The following PTGR2 variants were observed in gnomAD, a reference collection of about 807,000 sequenced individuals.
The protein encoded by PTGR2 is 15-oxoprostaglandin 13-reductase.
PTGR2 carries 32 observed loss-of-function variants against 43.4 expected under a neutral mutation model. That is an observed-to-expected ratio of 0.74 (90% CI 0.56 to 0.99). The LOEUF (loss-of-function observed/expected upper bound fraction) is 0.99. Ranked by LOEUF, PTGR2 falls within the 50% of genes least tolerant of loss-of-function variation. PTGR2 has a pLI of 0.00. For missense variants in PTGR2, 373 were observed against 420.0 expected, an observed-to-expected ratio of 0.89 and a Z score of 0.98; for synonymous variants, 106 against 139.2, an observed-to-expected ratio of 0.76 and a Z score of 1.68.
chr14:73,880,817 G>A (rs371677758), intron 7 of PTGR2, among the ~76,000 whole-genome samples: 20 of 152,196 alleles, frequency 1.3e-4, no homozygotes, highest in African/African-American at 4.8e-4. Flanking sequence ...TATTATTTGA[G>A]ATGGAGTCTC....
chr14:73,853,041 G>C (rs1262457236), intron 1 of PTGR2, among the ~76,000 whole-genome samples: 1 of 151,988 alleles, frequency 6.6e-6, no homozygotes, highest in African/African-American at 2.4e-5. Context: ...GACTGGTCTC[G>C]AATTCCTGGC....
intron 2 of PTGR2, 81 bp from the exon 3 acceptor site, chr14:73,860,458 C>A: frequency 1.5e-6 from 1 of 676,052 alleles, no homozygotes; most frequent in Non-Finnish European, 2.5e-6. Flanking sequence ...TAGAGCAAGA[C>A]TCTGTCTCAA....
At chr14:73,869,602 A>G (rs1193909993) in intron 3 of PTGR2, among the ~76,000 whole-genome samples, 1 of 152,058 alleles carries the variant, frequency 6.6e-6, no homozygotes, top group African/African-American at 2.4e-5. Context: ...TTATGAAAAC[A>G]AAGTTCGTAT....
intron 6 of PTGR2, chr14:73,879,850 A>T: frequency 3.9e-6 from 2 of 512,564 alleles, no homozygotes; most frequent in East Asian, 3.4e-5. Context: ...GCTGATTACC[A>T]ACCATTTATT....
intron 3 of PTGR2, among the ~76,000 whole-genome samples, chr14:73,867,231 C>T (rs1048668445): frequency 8.6e-5 from 13 of 151,970 alleles, no homozygotes; most frequent in African/African-American, 3.1e-4. Flanking sequence ...GGACTAGAAT[C>T]TCTACTGTCA....
rs1039681880 is a variant in PTGR2, at chr14:73,878,918, G to A, written c.520-178G>A. The A allele has an allele frequency of 7.0e-6, 4 of 569,758 alleles. No homozygotes were observed. The South Asian group carries it at 9.4e-5, about 13-fold the overall frequency. 35.3% of individuals were successfully genotyped at this position (569,758 alleles called of 1,614,324 possible). A position where few individuals can be genotyped will look rare whatever the true frequency, so the allele number is the denominator to read the frequency against. On this transcript the variant is annotated intron_variant, in intron 5 of 9. Coordinates refer to ENST00000555661, the MANE Select transcript of PTGR2 (RefSeq NM_001146154.2). ...TTCAATTTTAATAATTTTTTTTTAG[G>A]ATGACATTGTCTGCCCTCAGTTCTT... is the stretch of plus-strand genomic sequence containing the variant.
intron 3 of PTGR2, among the ~76,000 whole-genome samples, chr14:73,871,689 A>G (rs1443936752): frequency 2.6e-5 from 4 of 152,080 alleles, no homozygotes; most frequent in Non-Finnish European, 4.4e-5. Flanking sequence ...GTTGAACTGA[A>G]TGGAATTAGG....
At chr14:73,861,883 CTTT>C (rs112705654) in intron 3 of PTGR2, among the ~76,000 whole-genome samples, 1 of 141,022 alleles carries the variant, frequency 7.1e-6, no homozygotes, top group Non-Finnish European at 1.6e-5. Flanking sequence ...AACTTAGTGG[CTTT>C]TTTTTTTTTG....
At position 73,854,834 on chromosome 14, in the gene PTGR2, G is replaced by A. The variant is rs372319707; in HGVS notation, c.-48+2891G>A. Reference sequence around the variant, plus strand: ...CATGACATTATGGACCTCTTGGTGTGATGAATGGATGTGGCACCACCCTTA... The same window carrying A: ...CATGACATTATGGACCTCTTGGTGTAATGAATGGATGTGGCACCACCCTTA... On this transcript the variant is annotated intron_variant, in intron 1 of 9. Transcript: ENST00000555661. 4.6e-5 allele frequency among the ~76,000 whole-genome samples: 7 copies of A among 152,280 alleles called. No homozygotes were observed. The East Asian group carries it at 1.3e-3, about 29-fold the overall frequency.
At chr14:73,882,903 C>G (rs1055010544) in intron 9 of PTGR2, among the ~76,000 whole-genome samples, 24 of 141,072 alleles carry the variant, frequency 1.7e-4, no homozygotes, top group Admixed American at 1.6e-3. Flanking sequence ...TCACTGCAAC[C>G]TCCACCTCCC....
At chr14:73,857,855 G>C (rs1396218958) in intron 1 of PTGR2, among the ~76,000 whole-genome samples, 2 of 151,342 alleles carry the variant, frequency 1.3e-5, no homozygotes, top group Non-Finnish European at 2.9e-5. Flanking sequence ...ATTTTTAGTA[G>C]AGACGGGGTT....
intron 9 of PTGR2, among the ~76,000 whole-genome samples, chr14:73,883,270 C>G (rs186343101): frequency 7.9e-6 from 1 of 127,020 alleles, no homozygotes; most frequent in South Asian, 2.7e-4. Flanking sequence ...GTGGCATGAT[C>G]ATAGCTAACT....
chr14:73,870,775 T>C (rs992922533), intron 3 of PTGR2, among the ~76,000 whole-genome samples: 4 of 152,190 alleles, frequency 2.6e-5, no homozygotes, highest in Admixed American at 2.6e-4. Flanking sequence ...ACAGATGTGC[T>C]TTCATATTCT....
In PTGR2 at chr14:73,862,678, G is replaced by A. The variant is rs368606893; in HGVS notation, c.156+2021G>A. On this transcript the variant is annotated intron_variant, in intron 3 of 9. Coordinates refer to ENST00000555661, the MANE Select transcript of PTGR2 (RefSeq NM_001146154.2). Reference sequence around the variant, plus strand: ...CAGCTATTAAAGACGTCACTACTGCGGCAAGCTGAGTGAAGGACTGTGGAC... The same window carrying A: ...CAGCTATTAAAGACGTCACTACTGCAGCAAGCTGAGTGAAGGACTGTGGAC... Among the ~76,000 whole-genome samples the A allele has an allele frequency of 2.5e-4, 38 of 152,152 alleles. No homozygotes were observed. In the South Asian group the frequency reaches 7.1e-3, roughly 28 times the overall value.
At position 73,874,013 on chromosome 14, in the gene PTGR2, C is replaced by CT. The variant is rs1345508303; in HGVS notation, c.157-4dup. On this transcript the variant is annotated splice_polypyrimidine_tract_variant and intron_variant, in intron 3 of 9. Coordinates refer to ENST00000555661, the MANE Select transcript of PTGR2 (RefSeq NM_001146154.2). Reference sequence around the variant, plus strand: ...TTGGATAAAATTATCTTAATGTTTTCTTTTTTCAGCGTTGTAGAATGAATG... The same window carrying CT: ...TTGGATAAAATTATCTTAATGTTTTCTTTTTTTCAGCGTTGTAGAATGAATG... 6.4e-7 allele frequency: 1 copy of CT among 1,552,304 alleles called. No homozygotes were observed. Among genetic ancestry groups the CT allele is most frequent in the South Asian group, 1.2e-5 (1 of 81,686 alleles).
chr14:73,871,341 C>CTTTTTTTTTTTTTTTTTTTTT (rs869073652), intron 3 of PTGR2, among the ~76,000 whole-genome samples: 18 of 67,860 alleles, frequency 2.7e-4, no homozygotes, highest in Middle Eastern at 0.011. Flanking sequence ...GGCTGTTCAT[C>CTTTTTTTTTTTTTTTTTTTTT]TTTTTTTTTT....
intron 3 of PTGR2, among the ~76,000 whole-genome samples, chr14:73,870,229 T>TGGG (rs2054697075): frequency 6.7e-6 from 1 of 149,414 alleles, no homozygotes; most frequent in East Asian, 2.0e-4. Flanking sequence ...AGTCTTGCTC[T>TGGG]GTGCAGTGGC....
chr14:73,880,108 A>C lies in PTGR2; in HGVS notation c.783A>C (p.Lys261Asn). 6.2e-7 allele frequency: 1 copy of C among 1,613,938 alleles called. No individual in the cohort carries two copies. Among genetic ancestry groups the C allele is most frequent in the Non-Finnish European group, 8.5e-7 (1 of 1,179,854 alleles). Residue 261 changes from lysine (K) to asparagine (N), a missense_variant, in exon 7 of 10, where the codon AAA becomes AAC. Transcript: ENST00000555661. ...GTGGTCAAATTTCTCAGTACAACAA[A>C]GATGTGCCTTATCCTCCCCCGCTAT... ...ILCGQISQYN[K>N]DVPYPPPLSP...
rs145112450 is a variant in PTGR2, at chr14:73,880,122, C to T, written c.797C>T (p.Pro266Leu). 2.3e-4 allele frequency: 375 copies of T among 1,613,914 alleles called. 1 individual carries two copies. The African/African-American group carries it at 4.7e-3, about 20-fold the overall frequency. Residue 266 changes from proline to leucine, a missense_variant, in exon 7 of 10, where the codon CCT (proline) becomes CTT (leucine). Transcript: ENST00000555661. The stretch of plus-strand genomic sequence containing the variant: ...CAGTACAACAAAGATGTGCCTTATC[C>T]TCCCCCGCTATCCCCTGCTATAGAG... ...ISQYNKDVPY[P>L]PPLSPAIEAI...
Sources: allele counts gnomAD v4.1 joint callset (sites outside exome capture counted in the v4.1 genomes callset), GRCh38; gene constraint gnomAD v4.1.1; transcripts MANE v1.5; gene names NCBI Gene and HGNC (gene_info 2026-07-23, HGNC 2026-07-21).